Variants in SDK1 observed in about 807,000 individuals in gnomAD.
The protein encoded by SDK1 is sidekick cell adhesion molecule 1, also known as protein sidekick-1.
In SDK1, 157 loss-of-function variants were observed where a neutral mutation model predicts 245.5. The observed-to-expected ratio is 0.64, with a 90% CI of 0.56 to 0.73. The LOEUF is 0.73. Among genes scored for constraint, SDK1 ranks in the 30% least tolerant of loss-of-function variants. SDK1 has a pLI of 0.00. For missense variants in SDK1, 3,583 were observed against 3,002.3 expected, an observed-to-expected ratio of 1.19 and a Z score of -4.52; for synonymous variants, 1,647 against 1,278.5, an observed-to-expected ratio of 1.29 and a Z score of -6.15.
chr7:4,117,958 T>C (rs1296520758), intron 25 of SDK1, among the ~76,000 whole-genome samples: 1 of 152,146 alleles, frequency 6.6e-6, no homozygotes, highest in Non-Finnish European at 1.5e-5. Flanking sequence ...CTGAGCCCTG[T>C]GCCCAGCTCA....
At chr7:3,835,805 T>A (rs376505738) in intron 5 of SDK1, among the ~76,000 whole-genome samples, 1 of 152,090 alleles carries the variant, frequency 6.6e-6, no homozygotes, top group African/African-American at 2.4e-5. Flanking sequence ...AAACAAGCAA[T>A]TTCAATATGG....
In SDK1 at chr7:4,030,451, A is replaced by C. The variant is rs116185479; in HGVS notation, c.2602+13099A>C. On this transcript the variant is annotated intron_variant, in intron 17 of 44. Transcript: ENST00000404826. ...AAGGAGCAGGAAGGTTGGGTCCAAG[A>C]AGTTTTGCTGGTGGCAGTTGACAGG... 6.9e-3 allele frequency among the ~76,000 whole-genome samples: 1,058 copies of C among 152,280 alleles called. 11 individuals are homozygous for C. Among genetic ancestry groups the C allele is most frequent in the African/African-American group, 0.024 (987 of 41,572 alleles).
chr7:4,030,579 C>G (rs540323028), intron 17 of SDK1, among the ~76,000 whole-genome samples: 4 of 152,222 alleles, frequency 2.6e-5, no homozygotes, highest in Non-Finnish European at 5.9e-5. Context: ...CTGCATAACT[C>G]TATCTGGACA....
intron 1 of SDK1, among the ~76,000 whole-genome samples, chr7:3,389,198 T>A (rs1340133838): frequency 6.6e-6 from 1 of 152,118 alleles, no homozygotes; most frequent in Non-Finnish European, 1.5e-5. Context: ...ATGTCCAGGT[T>A]CTAATTCCTA....
intron 1 of SDK1, among the ~76,000 whole-genome samples, chr7:3,473,606 C>A (rs1781250016): frequency 6.6e-6 from 1 of 152,146 alleles, no homozygotes; most frequent in African/African-American, 2.4e-5. Flanking sequence ...TAAATCTACT[C>A]CTTGCTTCCA....
At chr7:3,308,417 T>G (rs1209817306) in intron 1 of SDK1, among the ~76,000 whole-genome samples, 1 of 152,180 alleles carries the variant, frequency 6.6e-6, no homozygotes, top group African/African-American at 2.4e-5. Context: ...GGGCTTTTAG[T>G]AAAACAAAGG....
At chr7:3,813,570 A>G (rs1394809989) in intron 4 of SDK1, among the ~76,000 whole-genome samples, 1 of 150,876 alleles carries the variant, frequency 6.6e-6, no homozygotes, top group African/African-American at 2.5e-5. Context: ...CGCAGTAAAC[A>G]TACATGTGCA....
intron 35 of SDK1, among the ~76,000 whole-genome samples, chr7:4,193,397 T>TATATATATATAA (rs1491542284): frequency 1.6e-4 from 10 of 64,204 alleles, no homozygotes; most frequent in African/African-American, 4.9e-4. Flanking sequence ...TATATATATA[T>TATATATATATAA]AAAGGGGAGT....
chr7:4,058,832 C>T (rs1301512721), intron 19 of SDK1, among the ~76,000 whole-genome samples: 1 of 152,166 alleles, frequency 6.6e-6, no homozygotes, highest in Admixed American at 6.5e-5. Flanking sequence ...ACTGGACTGG[C>T]CCTACAAGAA....
intron 40 of SDK1, among the ~76,000 whole-genome samples, chr7:4,226,105 C>G (rs1256702575): frequency 6.6e-6 from 1 of 152,190 alleles, no homozygotes; most frequent in Non-Finnish European, 1.5e-5. Context: ...CATTACAGGC[C>G]TCATTACACA....
chr7:4,123,607 C>G (rs1399186370), intron 25 of SDK1, among the ~76,000 whole-genome samples: 2 of 152,302 alleles, frequency 1.3e-5, no homozygotes, highest in African/African-American at 4.8e-5. Flanking sequence ...TATTCCCTTT[C>G]CGTGACACCT....
At chr7:3,878,605 G>A (rs568138405) in intron 5 of SDK1, among the ~76,000 whole-genome samples, 2 of 152,282 alleles carry the variant, frequency 1.3e-5, no homozygotes, top group East Asian at 3.9e-4. Flanking sequence ...TATTAACACT[G>A]TATTTATCGG....
At chr7:3,543,242 A>C (rs145797551) in intron 1 of SDK1, among the ~76,000 whole-genome samples, 1 of 152,254 alleles carries the variant, frequency 6.6e-6, no homozygotes, top group Non-Finnish European at 1.5e-5. Flanking sequence ...TTGAAATGGC[A>C]TTAGTGATAG....
chr7:3,711,395 A>G lies in SDK1; in HGVS notation c.713+69290A>G, dbSNP rs184625208. On this transcript the variant is annotated intron_variant, in intron 4 of 44. Coordinates refer to ENST00000404826, the MANE Select transcript of SDK1 (RefSeq NM_152744.4). ...ACCTCGTAAAATTTACCTGGGAGAG[A>G]CAGGTAGTTCCAAGTAAACAAATGA... 2.0e-5 allele frequency among the ~76,000 whole-genome samples: 3 copies of G among 152,320 alleles called. No homozygotes were observed. In the East Asian group the frequency reaches 5.8e-4, roughly 29 times the overall value.
chr7:4,085,873 A>G (rs1454958501), intron 22 of SDK1, among the ~76,000 whole-genome samples: 5 of 152,158 alleles, frequency 3.3e-5, no homozygotes, highest in Admixed American at 6.5e-5. Flanking sequence ...ATTTTAAAAA[A>G]TTGGTGGAGG....
intron 1 of SDK1, among the ~76,000 whole-genome samples, chr7:3,310,591 C>T (rs763856178): frequency 7.2e-5 from 11 of 152,148 alleles, no homozygotes; most frequent in Non-Finnish European, 1.6e-4. Flanking sequence ...TAACCATTCA[C>T]TGAGGTTGGA....
chr7:4,095,987 G>C (rs1782127356), intron 22 of SDK1, among the ~76,000 whole-genome samples: 1 of 152,186 alleles, frequency 6.6e-6, no homozygotes, highest in East Asian at 1.9e-4. Context: ...AGGGGTTCCT[G>C]CTCCATCTCA....
At chr7:3,559,519 G>A (rs554531614) in intron 1 of SDK1, among the ~76,000 whole-genome samples, 1 of 152,046 alleles carries the variant, frequency 6.6e-6, no homozygotes, top group African/African-American at 2.4e-5. Flanking sequence ...GCCTGGTTCA[G>A]TGCCAAGATG....
chr7:3,774,981 C>G (rs1163663768), intron 4 of SDK1, among the ~76,000 whole-genome samples: 1 of 152,144 alleles, frequency 6.6e-6, no homozygotes, highest in African/African-American at 2.4e-5. Flanking sequence ...CCTGTGAAGG[C>G]TGGGCAGTGC....
Sources: gnomAD v4.1 joint callset for allele counts (sites outside exome capture counted in the v4.1 genomes callset) on GRCh38, gnomAD v4.1.1 for gene constraint, MANE v1.5 for transcripts, NCBI Gene and HGNC (gene_info 2026-07-23, HGNC 2026-07-21) for gene names.